Variants in MKLN1 observed in about 807,000 individuals in gnomAD.
MKLN1 encodes the protein muskelin 1, also known as muskelin.
Under a neutral mutation model 99.0 loss-of-function variants are expected in MKLN1, and 18 were observed. That is an observed-to-expected ratio of 0.18 (90% CI 0.13 to 0.27). MKLN1 has a LOEUF of 0.27. Among genes scored for constraint, MKLN1 ranks in the 10% least tolerant of loss-of-function variants. The pLI, the probability that MKLN1 is intolerant of heterozygous loss-of-function variation, is 1.00. For missense variants in MKLN1, 621 were observed against 875.9 expected (o/e 0.71, Z 3.67); for synonymous variants, 288 against 293.2 (o/e 0.98, Z 0.18).
intron 3 of MKLN1, among the ~76,000 whole-genome samples, chr7:131,278,887 T>C (rs912625017): frequency 6.6e-6 from 1 of 152,196 alleles, no homozygotes; most frequent in African/African-American, 2.4e-5. Context: ...GCCTGAGCCA[T>C]TGTGCCTGGC....
upstream of MKLN1, chr7:131,324,371 C>G (rs1027032465): frequency 2.0e-5 from 3 of 152,192 alleles, no homozygotes; most frequent in African/African-American, 7.2e-5. Context: ...GAAACACCAC[C>G]AGCTGGTTGG....
At chr7:131,432,523 T>C (rs942646489) in intron 9 of MKLN1, among the ~76,000 whole-genome samples, 1 of 152,178 alleles carries the variant, frequency 6.6e-6, no homozygotes, top group African/African-American at 2.4e-5. Context: ...AATAGACTCA[T>C]AAAAACCTCC....
intron 6 of MKLN1, among the ~76,000 whole-genome samples, chr7:131,406,153 C>T (rs1336803745): frequency 6.6e-6 from 1 of 151,850 alleles, no homozygotes; most frequent in African/African-American, 2.4e-5. Context: ...GCCTTTTTAT[C>T]TCTAGAAATA....
intron 17 of MKLN1, among the ~76,000 whole-genome samples, chr7:131,483,732 G>A (rs1797189295): frequency 1.3e-5 from 2 of 152,324 alleles, no homozygotes; most frequent in South Asian, 4.1e-4. Flanking sequence ...ATGGTGAAAG[G>A]GCTGTTGTGG....
intron 2 of MKLN1, among the ~76,000 whole-genome samples, chr7:131,192,072 TATATAC>T (rs1796552447): frequency 9.7e-6 from 1 of 102,670 alleles, no homozygotes; most frequent in African/African-American, 4.2e-5. Flanking sequence ...ATATATTATA[TATATAC>T]ATATATATTA....
chr7:131,145,712 G>A (rs1795806860), intron 2 of MKLN1, among the ~76,000 whole-genome samples: 1 of 152,228 alleles, frequency 6.6e-6, no homozygotes, highest in African/African-American at 2.4e-5. Flanking sequence ...GGAGAGATTT[G>A]ATCTCTTCTG....
intron 3 of MKLN1, among the ~76,000 whole-genome samples, chr7:131,269,492 G>A (rs374807862): frequency 6.6e-6 from 1 of 152,094 alleles, no homozygotes; most frequent in Non-Finnish European, 1.5e-5. Context: ...CTTCTCAAAG[G>A]CTCCACTGCA....
chr7:131,374,083 C>T (rs1010935551), intron 1 of MKLN1, among the ~76,000 whole-genome samples: 2 of 152,132 alleles, frequency 1.3e-5, no homozygotes, highest in African/African-American at 4.8e-5. Context: ...GCCTGTCATT[C>T]TCTGTGACCC....
chr7:131,321,800 C>A (rs540015985), intron 3 of MKLN1, among the ~76,000 whole-genome samples: 2 of 152,182 alleles, frequency 1.3e-5, no homozygotes, highest in Non-Finnish European at 2.9e-5. Context: ...GCAACACAGT[C>A]CTCACAAGAT....
chr7:131,299,587 T>G (rs1798346753), intron 3 of MKLN1, among the ~76,000 whole-genome samples: 1 of 152,230 alleles, frequency 6.6e-6, no homozygotes, highest in African/African-American at 2.4e-5. Context: ...CATTTAATTT[T>G]ACATAAACAT....
At chr7:131,183,667 T>TACCCAATG (rs1371607475) in intron 2 of MKLN1, among the ~76,000 whole-genome samples, 1 of 152,194 alleles carries the variant, frequency 6.6e-6, no homozygotes, top group Non-Finnish European at 1.5e-5. Flanking sequence ...AAAATGTATG[T>TACCCAATG]GCAGGTGCCT....
chr7:131,257,772 TC>T (rs1292385191), intron 3 of MKLN1, among the ~76,000 whole-genome samples: 1 of 151,978 alleles, frequency 6.6e-6, no homozygotes, highest in Non-Finnish European at 1.5e-5. Flanking sequence ...AGAGGAGATC[TC>T]CTTCTCCCAT....
intron 17 of MKLN1, among the ~76,000 whole-genome samples, chr7:131,486,811 T>C (rs568882360): frequency 9.2e-5 from 14 of 152,306 alleles, no homozygotes; most frequent in Admixed American, 9.2e-4. Flanking sequence ...TGAATATTCC[T>C]TTAGCTGGAA....
At chr7:131,186,568 A>C (rs1291165184) in intron 2 of MKLN1, among the ~76,000 whole-genome samples, 1 of 152,154 alleles carries the variant, frequency 6.6e-6, no homozygotes, top group Non-Finnish European at 1.5e-5. Flanking sequence ...AGGTAAAAAC[A>C]AATAACATGC....
At chr7:131,442,619 G>A (rs773832164) in intron 10 of MKLN1, among the ~76,000 whole-genome samples, 10 of 152,156 alleles carry the variant, frequency 6.6e-5, no homozygotes, top group Non-Finnish European at 1.3e-4. Flanking sequence ...TAATCTGGTA[G>A]GAGAATTGAA....
intron 2 of MKLN1, among the ~76,000 whole-genome samples, chr7:131,186,773 G>A (rs1213090210): frequency 6.6e-6 from 1 of 152,208 alleles, no homozygotes; most frequent in Non-Finnish European, 1.5e-5. Flanking sequence ...CATAGTAAGT[G>A]TCTGGTACCA....
intron 3 of MKLN1, among the ~76,000 whole-genome samples, chr7:131,276,529 T>A (rs910995009): frequency 3.3e-5 from 5 of 151,944 alleles, no homozygotes; most frequent in Admixed American, 2.0e-4. Flanking sequence ...TGGGTGAAAG[T>A]GATGTGTGTG....
At chr7:131,263,665 G>T (rs1018378862) in intron 3 of MKLN1, among the ~76,000 whole-genome samples, 4 of 151,244 alleles carry the variant, frequency 2.6e-5, no homozygotes, top group Admixed American at 6.6e-5. Flanking sequence ...TCTGCCTCCC[G>T]GGTTCAAGCG....
intron 3 of MKLN1, among the ~76,000 whole-genome samples, chr7:131,254,445 C>T (rs1173593690): frequency 1.3e-5 from 2 of 152,048 alleles, no homozygotes; most frequent in Admixed American, 1.3e-4. Flanking sequence ...AAGTAATCAA[C>T]AGACTACTTG....
Sources: allele counts gnomAD v4.1 joint callset (sites outside exome capture counted in the v4.1 genomes callset), GRCh38; gene constraint gnomAD v4.1.1; transcripts MANE v1.5; gene names NCBI Gene and HGNC (gene_info 2026-07-23, HGNC 2026-07-21).